The following FAM13C variants were observed in gnomAD, a reference collection of about 807,000 sequenced individuals.
FAM13C encodes family with sequence similarity 13 member C, also known as protein FAM13C.
FAM13C carries 37 observed loss-of-function variants against 73.2 expected under a neutral mutation model. The observed-to-expected ratio is 0.51, with a 90% CI of 0.39 to 0.67. FAM13C has a LOEUF of 0.67. Among genes scored for constraint, FAM13C ranks in the 30% least tolerant of loss-of-function variants. The pLI is 0.00. For synonymous variants in FAM13C, 246 were observed against 260.9 expected (o/e 0.94, Z 0.55); for missense variants, 589 against 715.6 (o/e 0.82, Z 2.02).
intron 3 of FAM13C, among the ~76,000 whole-genome samples, chr10:59,345,040 C>A (rs375399869): frequency 6.6e-6 from 1 of 152,110 alleles, no homozygotes; most frequent in Non-Finnish European, 1.5e-5. Context: ...ACCGTAAATT[C>A]TTTAAATTAG....
chr10:59,258,659 T>C (rs1842174399), intron 10 of FAM13C, among the ~76,000 whole-genome samples: 2 of 152,146 alleles, frequency 1.3e-5, no homozygotes. Context: ...CATTTTCTGT[T>C]ATATATTTTC....
intron 6 of FAM13C, among the ~76,000 whole-genome samples, chr10:59,279,305 G>A (rs1039464988): frequency 2.6e-5 from 4 of 152,112 alleles, no homozygotes; most frequent in Admixed American, 6.6e-5. Context: ...AAATATGAGC[G>A]AAAAGGTCAG....
chr10:59,279,424 A>C (rs1011859392), intron 6 of FAM13C, among the ~76,000 whole-genome samples: 1 of 152,342 alleles, frequency 6.6e-6, no homozygotes, highest in East Asian at 1.9e-4. Context: ...ATACTACATT[A>C]GTGTCTTACC....
chr10:59,323,963 TAG>T, intron 4 of FAM13C, 23 bp downstream of exon 4: 1 of 1,575,628 alleles, frequency 6.3e-7, no homozygotes, highest in Non-Finnish European at 8.7e-7. Context: ...AAGCACAGAA[TAG>T]CTTCTGATAA....
chr10:59,265,597 C>A (rs989266509), intron 8 of FAM13C, among the ~76,000 whole-genome samples: 2 of 152,112 alleles, frequency 1.3e-5, no homozygotes, highest in African/African-American at 4.8e-5. Flanking sequence ...ACAGTTATTT[C>A]CATCTTTTGA....
At chr10:59,326,311 T>A (rs900785685) in intron 3 of FAM13C, among the ~76,000 whole-genome samples, 2 of 151,978 alleles carry the variant, frequency 1.3e-5, no homozygotes, top group East Asian at 3.9e-4. Context: ...GGGAAAAGAG[T>A]GGCACTGTCA....
chr10:59,289,591 C>G (rs751036051), intron 5 of FAM13C, among the ~76,000 whole-genome samples: 4 of 152,174 alleles, frequency 2.6e-5, no homozygotes, highest in Non-Finnish European at 5.9e-5. Context: ...CGTGGGGCTT[C>G]CAGTCTAGTG....
intron 3 of FAM13C, among the ~76,000 whole-genome samples, chr10:59,330,602 C>A (rs1851843965): frequency 6.6e-6 from 1 of 152,066 alleles, no homozygotes; most frequent in South Asian, 2.1e-4. Context: ...GGCAGGGAGG[C>A]AGGATTTACC....
intron 3 of FAM13C, among the ~76,000 whole-genome samples, chr10:59,349,082 C>T (rs894429378): frequency 1.3e-5 from 2 of 152,152 alleles, no homozygotes; most frequent in Admixed American, 6.5e-5. Flanking sequence ...TTTGGTGGAA[C>T]GATTTTACTG....
chr10:59,297,051 C>A (rs185589352), intron 5 of FAM13C: 1 of 152,322 alleles, frequency 6.6e-6, no homozygotes, highest in Admixed American at 6.5e-5. Flanking sequence ...CACTCTAACC[C>A]ATTTATGCCT....
At chr10:59,265,701 C>G (rs994727173) in intron 8 of FAM13C, among the ~76,000 whole-genome samples, 2 of 152,098 alleles carry the variant, frequency 1.3e-5, no homozygotes, top group Non-Finnish European at 2.9e-5. Context: ...GTGCATAGAA[C>G]TTAGAAGAAA....
chr10:59,264,002 T>A (rs1842773836), intron 9 of FAM13C, 83 bp downstream of exon 9: 1 of 1,271,590 alleles, frequency 7.9e-7, no homozygotes, highest in Non-Finnish European at 1.2e-6. Context: ...CAGGTGGAAA[T>A]GAATCTAAAA....
intron 2 of FAM13C, among the ~76,000 whole-genome samples, chr10:59,354,995 C>CAG (rs1855529731): frequency 6.7e-6 from 1 of 149,734 alleles, no homozygotes; most frequent in East Asian, 1.9e-4. Context: ...TGGACCTCAC[C>CAG]AATAATAATA....
At chr10:59,344,881 C>T (rs1053589008) in intron 3 of FAM13C, among the ~76,000 whole-genome samples, 4 of 151,382 alleles carry the variant, frequency 2.6e-5, no homozygotes, top group Admixed American at 6.6e-5. Flanking sequence ...CAGCAGGTCT[C>T]GGAACCCAAT....
chr10:59,273,590 C>T (rs1025891936), intron 6 of FAM13C, among the ~76,000 whole-genome samples: 4 of 152,052 alleles, frequency 2.6e-5, no homozygotes, highest in Admixed American at 1.3e-4. Context: ...CTACATGAGG[C>T]TGGTAGTAAT....
chr10:59,296,243 A>ACACAT (rs1413896778), intron 5 of FAM13C, among the ~76,000 whole-genome samples: 1 of 152,162 alleles, frequency 6.6e-6, no homozygotes, highest in African/African-American at 2.4e-5. Context: ...TATATGATAA[A>ACACAT]CTGTGGATGC....
chr10:59,254,448 A>C lies in FAM13C; in HGVS notation c.1237-5T>G. On this transcript the variant is annotated splice_region_variant and splice_polypyrimidine_tract_variant and intron_variant, in intron 10 of 13. Coordinates refer to ENST00000618804, the MANE Select transcript of FAM13C (RefSeq NM_198215.4). ...GTTCTTGTCTTGCTTAGTTACCTGA[A>C]AAACATGAAATTAATTATTATTCCT... is the stretch of plus-strand genomic sequence containing the variant. 6.9e-7 allele frequency: 1 copy of C among 1,459,082 alleles called. No individual in the cohort carries two copies. The highest frequency in any genetic ancestry group is 9.1e-7 in the Non-Finnish European group (1 of 1,095,098). The allele number at this position is 1,459,082 out of a possible 1,614,324, so 90.4% of individuals were successfully genotyped here.
At chr10:59,334,782 T>A (rs904503032) in intron 3 of FAM13C, among the ~76,000 whole-genome samples, 7 of 148,602 alleles carry the variant, frequency 4.7e-5, no homozygotes, top group Non-Finnish European at 8.9e-5. Context: ...GGGATAGCAT[T>A]AGGAGATATA....
chr10:59,328,645 A>G (rs942467807), intron 3 of FAM13C, among the ~76,000 whole-genome samples: 2 of 152,170 alleles, frequency 1.3e-5, no homozygotes, highest in Non-Finnish European at 2.9e-5. Context: ...GTGGTCAATC[A>G]AAACATCAAA....
Sources: gnomAD v4.1 joint callset for allele counts (sites outside exome capture counted in the v4.1 genomes callset) on GRCh38, gnomAD v4.1.1 for gene constraint, MANE v1.5 for transcripts, NCBI Gene and HGNC (gene_info 2026-07-23, HGNC 2026-07-21) for gene names.